Variants in PLCXD3 observed in about 807,000 individuals in gnomAD.
The protein encoded by PLCXD3 is phosphatidylinositol specific phospholipase C X domain containing 3, also known as PI-PLC X domain-containing protein 3.
A neutral mutation model predicts 25.5 loss-of-function variants in PLCXD3; 19 were observed. That is an observed-to-expected ratio of 0.75 (90% CI 0.52 to 1.09). The LOEUF is 1.09. Ranked by LOEUF, PLCXD3 falls within the 50% of genes least tolerant of loss-of-function variation. The pLI is 0.00. For missense variants in PLCXD3, 411 were observed against 388.1 expected (o/e 1.06, Z -0.50); for synonymous variants, 174 against 137.6 (o/e 1.26, Z -1.85).
intron 1 of PLCXD3, among the ~76,000 whole-genome samples, chr5:41,422,835 T>C (rs1244784978): frequency 6.6e-6 from 1 of 152,158 alleles, no homozygotes; most frequent in Non-Finnish European, 1.5e-5. Flanking sequence ...TAGCTGGTCC[T>C]CCAACCCAGT....
chr5:41,336,820 CA>C (rs1171953915), intron 2 of PLCXD3, among the ~76,000 whole-genome samples: 1 of 152,110 alleles, frequency 6.6e-6, no homozygotes, highest in African/African-American at 2.4e-5. Context: ...CATCACAGTC[CA>C]ATTTCTTCCT....
chr5:41,444,934 C>A (rs1039749349), intron 1 of PLCXD3, among the ~76,000 whole-genome samples: 3 of 152,046 alleles, frequency 2.0e-5, no homozygotes, highest in African/African-American at 7.2e-5. Flanking sequence ...TACTTTAAAA[C>A]GTAAGGAAGG....
intron 1 of PLCXD3, among the ~76,000 whole-genome samples, chr5:41,436,698 T>A (rs1245349088): frequency 2.6e-5 from 4 of 152,108 alleles, no homozygotes; most frequent in African/African-American, 9.7e-5. Flanking sequence ...AACAACAGTG[T>A]GTAAAGGGCC....
At chr5:41,487,404 C>T (rs1445432393) in intron 1 of PLCXD3, among the ~76,000 whole-genome samples, 1 of 152,132 alleles carries the variant, frequency 6.6e-6, no homozygotes, top group Non-Finnish European at 1.5e-5. Flanking sequence ...TGTGCAAGGG[C>T]AGAGTCTTTC....
At chr5:41,332,619 A>G (rs1561235190) in intron 2 of PLCXD3, among the ~76,000 whole-genome samples, 2 of 152,164 alleles carry the variant, frequency 1.3e-5, no homozygotes. Context: ...ACTATAAATC[A>G]TGCTGCTATA....
intron 1 of PLCXD3, among the ~76,000 whole-genome samples, chr5:41,465,885 C>T (rs1489822751): frequency 6.6e-6 from 1 of 152,096 alleles, no homozygotes; most frequent in Non-Finnish European, 1.5e-5. Context: ...ATATAATCTG[C>T]TATGAAATTA....
intron 2 of PLCXD3, among the ~76,000 whole-genome samples, chr5:41,350,031 G>A (rs1744407507): frequency 6.6e-6 from 1 of 151,848 alleles, no homozygotes; most frequent in Admixed American, 6.6e-5. Flanking sequence ...ATCTGTGGAT[G>A]ACTCCGCAAT....
At chr5:41,358,716 C>G (rs190148727) in intron 2 of PLCXD3, among the ~76,000 whole-genome samples, 3 of 152,104 alleles carry the variant, frequency 2.0e-5, no homozygotes, top group Non-Finnish European at 4.4e-5. Flanking sequence ...ATTTCTTTCT[C>G]TTGTCTGATT....
chr5:41,463,911 C>T (rs995943287), intron 1 of PLCXD3, among the ~76,000 whole-genome samples: 1 of 151,912 alleles, frequency 6.6e-6, no homozygotes, highest in African/African-American at 2.4e-5. Flanking sequence ...ATTTGGTCTC[C>T]TACATCCTTG....
intron 1 of PLCXD3, among the ~76,000 whole-genome samples, chr5:41,417,796 T>C (rs1295063009): frequency 1.3e-5 from 2 of 152,186 alleles, no homozygotes; most frequent in Non-Finnish European, 2.9e-5. Flanking sequence ...TGACCAAGGA[T>C]ATCCCAGGAG....
At chr5:41,423,601 G>A (rs910861901) in intron 1 of PLCXD3, among the ~76,000 whole-genome samples, 1 of 151,968 alleles carries the variant, frequency 6.6e-6, no homozygotes, top group East Asian at 1.9e-4. Flanking sequence ...TGTATCAGAT[G>A]ATTATATTAT....
intron 2 of PLCXD3, among the ~76,000 whole-genome samples, chr5:41,379,936 A>T (rs577073464): frequency 6.6e-6 from 1 of 152,204 alleles, no homozygotes; most frequent in East Asian, 1.9e-4. Flanking sequence ...TATACAATGA[A>T]TGGTTGGTAA....
rs763963890 is a variant in PLCXD3, at chr5:41,307,829, A to C, written c.*5788T>G. ...CTGAAAGAAAAAAGAAATTGAATTT[A>C]AAAGAGGTCCTGGTACTGAGTTAGG... On this transcript the variant is annotated 3_prime_UTR_variant, in exon 3 of 3. Transcript: ENST00000377801. The C allele has an allele frequency of 6.6e-6, 1 of 152,168 alleles. No homozygotes were observed. Among genetic ancestry groups the C allele is most frequent in the Admixed American group, 6.6e-5 (1 of 15,262 alleles). 9.4% of individuals were successfully genotyped at this position (152,168 alleles called of 1,614,324 possible).
intron 1 of PLCXD3, among the ~76,000 whole-genome samples, chr5:41,485,113 C>T (rs765025342): frequency 2.6e-5 from 4 of 152,152 alleles, no homozygotes; most frequent in Admixed American, 2.0e-4. Flanking sequence ...AAATGTTTCA[C>T]ACCAATTATT....
At position 41,313,529 on chromosome 5, in the gene PLCXD3, G is replaced by C. The variant is rs1743201791; in HGVS notation, c.*88C>G. The C allele has an allele frequency of 7.9e-6, 12 of 1,513,090 alleles. No individual in the cohort carries two copies. In the East Asian group the frequency reaches 2.7e-4, roughly 34 times the overall value. The allele number at this position is 1,513,090 out of a possible 1,614,324, so 93.7% of individuals were successfully genotyped here. A position where few individuals can be genotyped will look rare whatever the true frequency, so the allele number is the denominator to read the frequency against. On this transcript the variant is annotated 3_prime_UTR_variant, in exon 3 of 3. Transcript: ENST00000377801. ...CCCTATTCCCTTCAGAGACTCAGTG[G>C]AATAGGAAGATCAGAGTGTTTACAG...
At chr5:41,498,634 A>G (rs1176269762) in intron 1 of PLCXD3, among the ~76,000 whole-genome samples, 1 of 151,824 alleles carries the variant, frequency 6.6e-6, no homozygotes, top group African/African-American at 2.4e-5. Flanking sequence ...AGAGAAGTGT[A>G]CACTTCCAAA....
intron 1 of PLCXD3, among the ~76,000 whole-genome samples, chr5:41,473,865 A>G (rs1748226109): frequency 6.6e-6 from 1 of 152,154 alleles, no homozygotes; most frequent in Non-Finnish European, 1.5e-5. Context: ...CCATTACACA[A>G]TGACTTGGGT....
chr5:41,403,139 C>T (rs1364687443), intron 1 of PLCXD3, among the ~76,000 whole-genome samples: 1 of 151,786 alleles, frequency 6.6e-6, no homozygotes, highest in Non-Finnish European at 1.5e-5. Context: ...AACCTTCGGC[C>T]TAGTAGCTAG....
intron 1 of PLCXD3, among the ~76,000 whole-genome samples, chr5:41,400,887 A>G (rs183639956): frequency 2.2e-4 from 34 of 152,226 alleles, no homozygotes; most frequent in Admixed American, 1.5e-3. Flanking sequence ...GTTCGAGGGG[A>G]AGGATACCTC....
Sources: allele counts gnomAD v4.1 joint callset (sites outside exome capture counted in the v4.1 genomes callset), GRCh38; gene constraint gnomAD v4.1.1; transcripts MANE v1.5; gene names NCBI Gene and HGNC (gene_info 2026-07-23, HGNC 2026-07-21).